SETX: variants seen among roughly 807,000 people sequenced by gnomAD.
SETX encodes senataxin.
A neutral mutation model predicts 227.2 loss-of-function variants in SETX; 90 were observed. The ratio of observed to expected loss-of-function variants is 0.40; its 90% CI spans 0.33 to 0.47. The LOEUF (loss-of-function observed/expected upper bound fraction) is 0.47, where lower values mean the gene tolerates loss of function less well. Among genes scored for constraint, SETX ranks in the 20% least tolerant of loss-of-function variants. The pLI, the probability that SETX is intolerant of heterozygous loss-of-function variation, is 0.91. For synonymous variants in SETX, 1,210 were observed against 1,113.2 expected, an observed-to-expected ratio of 1.09 and a Z score of -1.73; for missense variants, 3,052 against 3,181.5, an observed-to-expected ratio of 0.96 and a Z score of 0.98.
At chr9:132,297,633 T>C (rs913827965) in intron 13 of SETX, among the ~76,000 whole-genome samples, 2 of 152,262 alleles carry the variant, frequency 1.3e-5, no homozygotes, top group African/African-American at 4.8e-5. Flanking sequence ...AGCCATAGCA[T>C]ACAGCTCTAG....
Position 132,350,640 on chromosome 9 carries a change from T to C in SETX, c.-7-1205A>G, listed in dbSNP as rs192775369. On this transcript the variant is annotated intron_variant, in intron 2 of 25. Coordinates refer to ENST00000224140, the MANE Select transcript of SETX (RefSeq NM_015046.7). ...ATAAGCATAATCAAATACATTGTCA[T>C]ATGAATTGATTTTTTAAAATTTATT... Among the ~76,000 whole-genome samples, 10 of 152,346 alleles carry C rather than the reference T, an allele frequency of 6.6e-5. No homozygotes were observed. The East Asian group carries it at 1.9e-3, about 29-fold the overall frequency.
chr9:132,314,623 G>A (rs1257077588), intron 10 of SETX, among the ~76,000 whole-genome samples: 1 of 152,078 alleles, frequency 6.6e-6, no homozygotes, highest in African/African-American at 2.4e-5. Context: ...TCCCACTCCA[G>A]ACATGAACGA....
At position 132,326,430 on chromosome 9, in the gene SETX, G is replaced by A; in HGVS notation, c.5168C>T (p.Ala1723Val). ...FLNFGQCGPP[A>V]SLCQSISRPV... ...TCTTGAGATGGACTGACAAAGACTTGCAGGGGGCCCACACTGACCAAAGTT... is the reference window on the plus strand; with the variant it reads ...TCTTGAGATGGACTGACAAAGACTTACAGGGGGCCCACACTGACCAAAGTT... Residue 1723 changes from alanine (A) to valine (V), a missense_variant, in exon 10 of 26, where the codon GCA becomes GTA. Ala to Val is a moderately conservative substitution (Grantham distance 64, BLOSUM62 0). Around this residue, in one of 10 missense-constraint regions of SETX, gnomAD observed 1,483 missense variants for 1,312.0 expected, o/e 1.13. Coordinates refer to ENST00000224140, the MANE Select transcript of SETX (RefSeq NM_015046.7). 1.2e-6 allele frequency: 2 copies of A among 1,614,040 alleles called. No homozygotes were observed. The highest frequency in any genetic ancestry group is 1.7e-6 in the Non-Finnish European group (2 of 1,179,908).
intron 7 of SETX, among the ~76,000 whole-genome samples, chr9:132,334,291 C>CA (rs1238505963): frequency 1.3e-5 from 2 of 151,976 alleles, no homozygotes; most frequent in South Asian, 2.1e-4. Flanking sequence ...ACTAAAAATA[C>CA]AAAAAAATTA....
In SETX at chr9:132,311,780, T is replaced by C; in HGVS notation, c.5351A>G (p.Tyr1784Cys). 1 of 1,613,302 alleles carries C rather than the reference T, an allele frequency of 6.2e-7. No individual in the cohort carries two copies. The highest frequency in any genetic ancestry group is 8.5e-7 in the Non-Finnish European group (1 of 1,179,542). ...QLQVRKFPAD[Y>C]IKYWEFAVYL... ...ACCTGCAAACTCCCAGTATTTTATA[T>C]AATCGGCAGGAAATTTTCGTACTTG... The change falls in exon 11 of 26, where the codon TAT becomes TGT. Residue 1784 changes from tyrosine to cysteine, a missense_variant. Coordinates refer to ENST00000224140, the MANE Select transcript of SETX (RefSeq NM_015046.7).
chr9:132,288,145 C>CAG, intron 17 of SETX, 91 bp downstream of exon 17: 1 of 1,033,764 alleles, frequency 9.7e-7, no homozygotes. Context: ...TACTGCACTC[C>CAG]AGCCTGGAAG....
Position 132,262,798 on chromosome 9 carries a change from A to C in SETX, c.*1441T>G, listed in dbSNP as rs999218400. 4 of 152,484 alleles carry C rather than the reference A, an allele frequency of 2.6e-5. No homozygotes were observed. Among genetic ancestry groups the C allele is most frequent in the Non-Finnish European group, 4.4e-5 (3 of 68,026 alleles). 9.4% of individuals were successfully genotyped at this position (152,484 alleles called of 1,614,324 possible). On this transcript the variant is annotated 3_prime_UTR_variant, in exon 26 of 26. Coordinates refer to ENST00000224140, the MANE Select transcript of SETX (RefSeq NM_015046.7). ...GCTTAAAAAGCAGATGACAAAGGAA[A>C]TGTCAAATAATGCACATGAATCTTC...
intron 10 of SETX, among the ~76,000 whole-genome samples, chr9:132,319,406 C>A (rs1054420958): frequency 6.6e-6 from 1 of 152,204 alleles, no homozygotes; most frequent in Non-Finnish European, 1.5e-5. Context: ...AAATAAAAAT[C>A]TTTCAGTACC....
At chr9:132,273,059 C>T (rs1011636978) in intron 23 of SETX, among the ~76,000 whole-genome samples, 1 of 151,910 alleles carries the variant, frequency 6.6e-6, no homozygotes, top group Non-Finnish European at 1.5e-5. Context: ...TTAGGAAGAC[C>T]TTGTCTCTAC....
At chr9:132,317,039 T>C (rs924151458) in intron 10 of SETX, among the ~76,000 whole-genome samples, 2 of 152,244 alleles carry the variant, frequency 1.3e-5, no homozygotes, top group African/African-American at 4.8e-5. Context: ...GTCACATCTT[T>C]ACAATGTGAA....
chr9:132,327,531 G>T lies in SETX; in HGVS notation c.4067C>A (p.Pro1356His). ...TCTTCGTCTATTTTTTTGTGATTTG[G>T]GTCTGATCTGCCTTTGCATCTGAAG... ...QELQMQRQIR[P>H]KSQKNRRRLS... The change falls in exon 10 of 26, where the codon CCC becomes CAC. Residue 1356 changes from proline to histidine, a missense_variant. This residue lies in a region of SETX where 1,483 missense variants were observed against 1,312.0 expected (regional missense o/e 1.13). Coordinates refer to ENST00000224140, the MANE Select transcript of SETX (RefSeq NM_015046.7). 2 of 1,613,786 alleles carry T rather than the reference G, an allele frequency of 1.2e-6. No homozygotes were observed. Among genetic ancestry groups the T allele is most frequent in the Admixed American group, 1.7e-5 (1 of 59,992 alleles).
chr9:132,334,741 T>G lies in SETX; in HGVS notation c.719-14A>C. 6.2e-7 allele frequency: 1 copy of G among 1,613,814 alleles called. No homozygotes were observed. Among genetic ancestry groups the G allele is most frequent in the Non-Finnish European group, 8.5e-7 (1 of 1,179,752 alleles). The stretch of plus-strand genomic sequence containing the variant: ...ACATGCAAATACCTGTAAGATCATT[T>G]AGAGTTATCTTGAATTGATGAAATA... On this transcript the variant is annotated splice_polypyrimidine_tract_variant and intron_variant, in intron 6 of 25. Coordinates refer to ENST00000224140, the MANE Select transcript of SETX (RefSeq NM_015046.7).
intron 11 of SETX, among the ~76,000 whole-genome samples, chr9:132,302,465 G>T (rs1845056018): frequency 6.7e-6 from 1 of 149,666 alleles, no homozygotes; most frequent in Non-Finnish European, 1.5e-5. Flanking sequence ...TTTGAGACCA[G>T]CCTGGCCAAC....
chr9:132,303,372 T>C (rs181093924), intron 11 of SETX, among the ~76,000 whole-genome samples: 1 of 140,692 alleles, frequency 7.1e-6, no homozygotes. Flanking sequence ...AATCCTTACA[T>C]ATGTCATATA....
At chr9:132,311,496 C>T (rs1845651297) in intron 11 of SETX, among the ~76,000 whole-genome samples, 1 of 152,086 alleles carries the variant, frequency 6.6e-6, no homozygotes, top group Non-Finnish European at 1.5e-5. Flanking sequence ...TCCCTCCACT[C>T]ACCCTCTCTC....
intron 1 of SETX, among the ~76,000 whole-genome samples, chr9:132,354,519 G>GA (rs1375876330): frequency 2.7e-4 from 40 of 145,496 alleles, no homozygotes; most frequent in South Asian, 1.1e-3. Context: ...AAAGAAAAAA[G>GA]AAAAAAAAAC....
At chr9:132,351,853 G>A (rs1459231472) in intron 2 of SETX, among the ~76,000 whole-genome samples, 1 of 152,082 alleles carries the variant, frequency 6.6e-6, no homozygotes, top group Non-Finnish European at 1.5e-5. Flanking sequence ...TGACAAATGG[G>A]TGTGTCCAGA....
At chr9:132,347,634 T>C (rs1424396583) in intron 3 of SETX, among the ~76,000 whole-genome samples, 2 of 151,866 alleles carry the variant, frequency 1.3e-5, no homozygotes, top group African/African-American at 2.4e-5. Flanking sequence ...TGTAGAAGTT[T>C]TCTATAAATA....
rs141736312 is a variant in SETX, at chr9:132,331,432, A to G, written c.855T>C (p.Pro285=). 4.6e-5 allele frequency: 75 copies of G among 1,613,792 alleles called. No homozygotes were observed. Among genetic ancestry groups the G allele is most frequent in the Non-Finnish European group, 6.1e-5 (72 of 1,179,944 alleles). The change falls in exon 8 of 26, where the codon CCT becomes CCC. Residue 285 remains proline, a synonymous_variant. Coordinates refer to ENST00000224140, the MANE Select transcript of SETX (RefSeq NM_015046.7). ...EREADDDSVD[P]FWPALHCFMV... ...TAAAACAGTGTAACGCTGGCCAGAAAGGATCCACACTATCATCTGAAATAC... is the reference window on the plus strand; with the variant it reads ...TAAAACAGTGTAACGCTGGCCAGAAGGGATCCACACTATCATCTGAAATAC...
Sources: gnomAD v4.1 joint callset for allele counts (sites outside exome capture counted in the v4.1 genomes callset) on GRCh38, gnomAD v4.1.1 for gene constraint, gnomAD v4.1.1 regional missense constraint, MANE v1.5 for transcripts, NCBI Gene and HGNC (gene_info 2026-07-23, HGNC 2026-07-21) for gene names.